The following PSMA5 variants were observed in gnomAD, a reference collection of about 807,000 sequenced individuals.
The protein encoded by PSMA5 is proteasome subunit alpha type-5.
A neutral mutation model predicts 34.5 loss-of-function variants in PSMA5; 3 were observed. That is an observed-to-expected ratio of 0.09 (90% CI 0.04 to 0.22). The LOEUF is 0.22. Ranked by LOEUF, PSMA5 falls within the 10% of genes least tolerant of loss-of-function variation. The pLI is 1.00. For missense variants in PSMA5, 120 were observed against 286.1 expected (o/e 0.42, Z 4.19); for synonymous variants, 88 against 95.8 (o/e 0.92, Z 0.47).
chr1:109,403,956 A>G (rs1653647194), intron 8 of PSMA5, among the ~76,000 whole-genome samples: 1 of 152,230 alleles, frequency 6.6e-6, no homozygotes, highest in African/African-American at 2.4e-5. Context: ...TGCAAAATAT[A>G]GGTAAACAAT....
chr1:109,411,764 A>G lies in PSMA5; in HGVS notation c.458+113T>C, dbSNP rs971949229. ...CCTTAGCCTTCAAGTAGCTGGGACT[A>G]CAGGTGTGTGCTAATACCTGGCTAA... On this transcript the variant is annotated intron_variant, in intron 6 of 8. Coordinates refer to ENST00000271308, the MANE Select transcript of PSMA5 (RefSeq NM_002790.4). 4.6e-5 allele frequency: 47 copies of G among 1,025,204 alleles called. 1 individual carries two copies. The highest frequency in any genetic ancestry group is 1.9e-4 in the Admixed American group (9 of 48,044). The allele number at this position is 1,025,204 out of a possible 1,614,324, so 63.5% of individuals were successfully genotyped here.
At chr1:109,407,787 A>C (rs981400762) in intron 8 of PSMA5, among the ~76,000 whole-genome samples, 1 of 152,016 alleles carries the variant, frequency 6.6e-6, no homozygotes, top group African/African-American at 2.4e-5. Flanking sequence ...GATTACAGGC[A>C]CGCACCACCA....
chr1:109,399,790 A>G lies in PSMA5; in HGVS notation c.*2223T>C, dbSNP rs1456332116. On this transcript the variant is annotated 3_prime_UTR_variant, in exon 9 of 9. Coordinates refer to ENST00000271308, the MANE Select transcript of PSMA5 (RefSeq NM_002790.4). ...TTTTAAATTGGAAACCCTAGGAACT[A>G]TATTTCATTTTTGTCTAATGAGATT... 6.6e-6 allele frequency: 1 copy of G among 152,222 alleles called. No individual in the cohort carries two copies. The highest frequency in any genetic ancestry group is 1.5e-5 in the Non-Finnish European group (1 of 68,038). 9.4% of individuals were successfully genotyped at this position (152,222 alleles called of 1,614,324 possible). A position where few individuals can be genotyped will look rare whatever the true frequency, so the allele number is the denominator to read the frequency against.
intron 1 of PSMA5, among the ~76,000 whole-genome samples, chr1:109,423,023 T>C (rs1251767771): frequency 6.6e-6 from 1 of 152,240 alleles, no homozygotes; most frequent in Non-Finnish European, 1.5e-5. Context: ...GCACCAATCA[T>C]GGTCTCAGCT....
chr1:109,416,963 G>T (rs993827733), intron 2 of PSMA5, among the ~76,000 whole-genome samples: 1 of 152,180 alleles, frequency 6.6e-6, no homozygotes, highest in African/African-American at 2.4e-5. Flanking sequence ...TAATTAGCCA[G>T]GCTTGGTGGC....
At chr1:109,406,167 G>C (rs754774165) in intron 8 of PSMA5, among the ~76,000 whole-genome samples, 2 of 152,186 alleles carry the variant, frequency 1.3e-5, no homozygotes, top group Non-Finnish European at 2.9e-5. Flanking sequence ...GTTCCAAAGA[G>C]TGACCATGAA....
At chr1:109,404,067 C>T (rs918656666) in intron 8 of PSMA5, among the ~76,000 whole-genome samples, 3 of 152,072 alleles carry the variant, frequency 2.0e-5, no homozygotes, top group Non-Finnish European at 4.4e-5. Context: ...GTAATTCCTT[C>T]AATTATGGCA....
chr1:109,423,981 T>C (rs1363336756), intron 1 of PSMA5, among the ~76,000 whole-genome samples: 3 of 152,194 alleles, frequency 2.0e-5, no homozygotes, highest in Non-Finnish European at 4.4e-5. Context: ...GTTTTTCCCA[T>C]TATCTCCTGC....
intron 2 of PSMA5, among the ~76,000 whole-genome samples, chr1:109,418,900 A>T (rs1654322844): frequency 6.6e-6 from 1 of 152,212 alleles, no homozygotes; most frequent in Admixed American, 6.5e-5. Context: ...CATGCCTATA[A>T]TCCCAGCAAT....
chr1:109,412,629 T>TAAA (rs5776976), intron 4 of PSMA5: 411 of 150,446 alleles, frequency 2.7e-3, no homozygotes, highest in African/African-American at 8.9e-3. Context: ...CTACAAAGTT[T>TAAA]AAAAAAAAAA....
chr1:109,414,229 A>C (rs17037726), intron 3 of PSMA5, among the ~76,000 whole-genome samples: 6,057 of 152,276 alleles, frequency 0.04, 469 homozygotes, highest in East Asian at 0.33. Flanking sequence ...CTATACCCAG[A>C]CACTTGTTTG....
In PSMA5 at chr1:109,399,745, A is replaced by G. The variant is rs1653424248; in HGVS notation, c.*2268T>C. 1 of 152,212 alleles carries G rather than the reference A, an allele frequency of 6.6e-6. No homozygotes were observed. Among genetic ancestry groups the G allele is most frequent in the South Asian group, 2.1e-4 (1 of 4,830 alleles). The allele number at this position is 152,212 out of a possible 1,614,324, so 9.4% of individuals were successfully genotyped here. ...ATGGCACTGAGAAAATGTTTGAGTG[A>G]ATATATTTATTATTTCACTTTTTAA... is the stretch of plus-strand genomic sequence containing the variant. On this transcript the variant is annotated 3_prime_UTR_variant, in exon 9 of 9. Transcript: ENST00000271308.
intron 3 of PSMA5, 143 bp from the exon 4 acceptor site, chr1:109,413,278 G>C (rs756580472): frequency 1.0e-4 from 71 of 707,308 alleles, no homozygotes; most frequent in Non-Finnish European, 1.5e-4. Flanking sequence ...AGATTAGATA[G>C]GAAATGATCT....
At chr1:109,403,760 T>C (rs1653630614) in intron 8 of PSMA5, among the ~76,000 whole-genome samples, 1 of 152,198 alleles carries the variant, frequency 6.6e-6, no homozygotes, top group Non-Finnish European at 1.5e-5. Flanking sequence ...AGTTATATGA[T>C]GTTTAGTATC....
chr1:109,412,954 C>T, intron 4 of PSMA5, 114 bp downstream of exon 4: 1 of 869,922 alleles, frequency 1.1e-6, no homozygotes, highest in South Asian at 1.6e-5. Flanking sequence ...AAATTACTCC[C>T]AAGAGCCACA....
rs1343785254 is a variant in PSMA5 at position 109,400,756 on chromosome 1, AAT to A, written c.*1255_*1256del. 6 of 152,252 alleles carry A rather than the reference AAT, an allele frequency of 3.9e-5. No homozygotes were observed. The highest frequency in any genetic ancestry group is 9.6e-5 in the African/African-American group (4 of 41,462). 9.4% of individuals were successfully genotyped at this position (152,252 alleles called of 1,614,324 possible). On this transcript the variant is annotated 3_prime_UTR_variant, in exon 9 of 9. Transcript: ENST00000271308. Reference sequence around the variant, plus strand: ...ATTTAGTATGAATTCAGCCTATCCAAATAGTCATAATTTATTAACATATAGTA... The same window carrying A: ...ATTTAGTATGAATTCAGCCTATCCAAAGTCATAATTTATTAACATATAGTA...
At chr1:109,412,883 C>T (rs1439982079) in intron 4 of PSMA5, 185 bp downstream of exon 4, 3 of 555,100 alleles carry the variant, frequency 5.4e-6, no homozygotes, top group African/African-American at 3.8e-5. Context: ...CTCTTTAAAA[C>T]TGCAATGATT....
intron 1 of PSMA5, among the ~76,000 whole-genome samples, chr1:109,422,319 T>C (rs1654475424): frequency 6.6e-6 from 1 of 152,164 alleles, no homozygotes; most frequent in South Asian, 2.1e-4. Context: ...ATAACATGCA[T>C]ATGACGTTAA....
intron 4 of PSMA5, chr1:109,412,849 A>G (rs1379560099): frequency 6.9e-6 from 3 of 437,610 alleles, no homozygotes. Flanking sequence ...AAAGGAAGAC[A>G]CTGTCAGCAC....
Sources: gnomAD v4.1 joint callset for allele counts (sites outside exome capture counted in the v4.1 genomes callset) on GRCh38, gnomAD v4.1.1 for gene constraint, MANE v1.5 for transcripts, NCBI Gene and HGNC (gene_info 2026-07-23, HGNC 2026-07-21) for gene names.